Variants in SPMIP8 observed in about 807,000 individuals in gnomAD.
SPMIP8 encodes testicular tissue protein Li 196.
At chr16:57,985,445 C>G in the SPMIP8 span, 2 of 1,613,636 alleles carry the variant, frequency 1.2e-6, no homozygotes, top group Non-Finnish European at 1.7e-6. Context: ...CGTGCTCCCC[C>G]GACTCACCGC....
chr16:57,979,226 G>A, the SPMIP8 span, among the ~76,000 whole-genome samples: 1 of 152,182 alleles, frequency 6.6e-6, no homozygotes, highest in African/African-American at 2.4e-5. Context: ...GGGGAGTGCA[G>A]GCCCATACCT....
At chr16:57,979,122 C>T in the SPMIP8 span, among the ~76,000 whole-genome samples, 1 of 152,214 alleles carries the variant, frequency 6.6e-6, no homozygotes, top group African/African-American at 2.4e-5. Flanking sequence ...CCCGCATGGA[C>T]TGAGGAGCTT....
the SPMIP8 span, chr16:57,986,839 A>C: frequency 6.6e-6 from 1 of 152,128 alleles, no homozygotes; most frequent in African/African-American, 2.4e-5. Flanking sequence ...TGATCCACCC[A>C]CCTCAGCCTC....
At chr16:57,987,504 T>C in the SPMIP8 span, 5 of 1,491,774 alleles carry the variant, frequency 3.4e-6, no homozygotes, top group Admixed American at 4.5e-5. Flanking sequence ...GGACTTATGG[T>C]GGCACCAGCC....
At chr16:57,978,051 A>C in the SPMIP8 span, 2 of 1,609,024 alleles carry the variant, frequency 1.2e-6, no homozygotes, top group Non-Finnish European at 8.5e-7. Context: ...TTAGGACACC[A>C]GTGTAGGATC....
At chr16:57,977,481 T>C in the SPMIP8 span, among the ~76,000 whole-genome samples, 2 of 147,656 alleles carry the variant, frequency 1.4e-5, no homozygotes, top group Middle Eastern at 3.3e-3. Context: ...TTTTAGACCA[T>C]TCCTTGAATG....
At chr16:57,987,324 A>G in the SPMIP8 span, 49 of 1,399,678 alleles carry the variant, frequency 3.5e-5, no homozygotes, top group Non-Finnish European at 4.5e-5. Context: ...TTCAGATCCT[A>G]GAGGGGAAAA....
At chr16:57,985,740 C>T in the SPMIP8 span, among the ~76,000 whole-genome samples, 4 of 152,210 alleles carry the variant, frequency 2.6e-5, no homozygotes, top group Non-Finnish European at 4.4e-5. Context: ...ACCTTGCCCT[C>T]CCTGACAACT....
the SPMIP8 span, among the ~76,000 whole-genome samples, chr16:57,979,780 A>T: frequency 6.6e-6 from 1 of 152,114 alleles, no homozygotes; most frequent in Non-Finnish European, 1.5e-5. Flanking sequence ...GAAATTTGTA[A>T]ATTTAGGCAG....
chr16:57,977,990 G>GGAC, the SPMIP8 span: 1 of 1,614,190 alleles, frequency 6.2e-7, no homozygotes, highest in South Asian at 1.1e-5. Context: ...ACACCGTCAA[G>GGAC]GCCTGCCTTC....
chr16:57,985,517 C>A, the SPMIP8 span: 1 of 1,610,942 alleles, frequency 6.2e-7, no homozygotes, highest in South Asian at 1.1e-5. Context: ...TGGACCGCTA[C>A]GGACAGAAGC....
the SPMIP8 span, chr16:57,985,053 G>C: frequency 9.0e-7 from 1 of 1,111,286 alleles, no homozygotes; most frequent in Non-Finnish European, 1.2e-6. Flanking sequence ...CTTTGCCCTG[G>C]TGGGGCAGCG....
chr16:57,979,239 G>C, the SPMIP8 span, among the ~76,000 whole-genome samples: 1 of 152,124 alleles, frequency 6.6e-6, no homozygotes, highest in South Asian at 2.1e-4. Context: ...CCATACCTAG[G>C]CTCCAGCTTG....
chr16:57,976,778 T>TCCTC, the SPMIP8 span: 1 of 925,752 alleles, frequency 1.1e-6, no homozygotes, highest in Non-Finnish European at 1.6e-6. Flanking sequence ...TGATCTAAGG[T>TCCTC]CCTCTCTCCT....
At chr16:57,979,192 G>A in the SPMIP8 span, among the ~76,000 whole-genome samples, 1 of 152,204 alleles carries the variant, frequency 6.6e-6, no homozygotes. Flanking sequence ...AGGTGCAGGC[G>A]GGGCAGGGTA....
the SPMIP8 span, chr16:57,986,030 C>G: frequency 1.4e-5 from 20 of 1,477,828 alleles, no homozygotes; most frequent in Non-Finnish European, 1.1e-5. Flanking sequence ...ACTCTGAAAC[C>G]CCCCTGCCCC....
the SPMIP8 span, among the ~76,000 whole-genome samples, chr16:57,981,044 G>A: frequency 2.0e-5 from 3 of 152,092 alleles, no homozygotes; most frequent in African/African-American, 7.2e-5. Context: ...GTAGGGGTGC[G>A]TGACTTAACC....
At chr16:57,984,446 G>T in the SPMIP8 span, 15 of 1,575,094 alleles carry the variant, frequency 9.5e-6, no homozygotes, top group East Asian at 2.2e-4. Flanking sequence ...TACACCCCGC[G>T]CACCTTCTCA....
At chr16:57,978,787 A>T in the SPMIP8 span, among the ~76,000 whole-genome samples, 4 of 151,878 alleles carry the variant, frequency 2.6e-5, no homozygotes, top group Non-Finnish European at 4.4e-5. Flanking sequence ...TGCTGATTTT[A>T]AAAAATTATT....
Sources: allele counts gnomAD v4.1 joint callset (sites outside exome capture counted in the v4.1 genomes callset), GRCh38; gene constraint gnomAD v4.1.1; transcripts MANE v1.5; gene names NCBI Gene and HGNC (gene_info 2026-07-23, HGNC 2026-07-21).